Variants in RBMS1 observed in about 807,000 individuals in gnomAD.
The protein encoded by RBMS1 is RNA binding motif single stranded interacting protein 1, also known as RNA-binding motif, single-stranded-interacting protein 1.
Under a neutral mutation model 62.3 loss-of-function variants are expected in RBMS1, and 17 were observed. That is an observed-to-expected ratio of 0.27 (90% CI 0.19 to 0.41). The LOEUF (loss-of-function observed/expected upper bound fraction) is 0.41, where lower values mean the gene tolerates loss of function less well. RBMS1 is among the 10% of genes least tolerant of loss of function. RBMS1 has a pLI of 1.00. For missense variants in RBMS1, 334 were observed against 504.5 expected (o/e 0.66, Z 3.24); for synonymous variants, 172 against 170.0 (o/e 1.01, Z -0.09).
At chr2:160,403,556 TA>T (rs1239689770) in intron 1 of RBMS1, among the ~76,000 whole-genome samples, 1 of 152,240 alleles carries the variant, frequency 6.6e-6, no homozygotes, top group East Asian at 1.9e-4. Context: ...AAGAAGGCAG[TA>T]AACTATGTAA....
At chr2:160,452,184 T>C (rs928623453) in intron 1 of RBMS1, among the ~76,000 whole-genome samples, 4 of 152,060 alleles carry the variant, frequency 2.6e-5, no homozygotes, top group Non-Finnish European at 5.9e-5. Context: ...ATGGAATTAC[T>C]GGAACTTAGA....
intron 2 of RBMS1, among the ~76,000 whole-genome samples, chr2:160,323,853 C>T (rs1228846429): frequency 1.3e-5 from 2 of 152,154 alleles, no homozygotes; most frequent in Non-Finnish European, 2.9e-5. Flanking sequence ...GTTCAAACCT[C>T]TTGGCCCAAG....
chr2:160,296,535 T>C (rs1194031730), intron 6 of RBMS1, among the ~76,000 whole-genome samples: 1 of 152,216 alleles, frequency 6.6e-6, no homozygotes, highest in African/African-American at 2.4e-5. Context: ...GCGGAATAAA[T>C]ACTAAACACT....
In RBMS1 at chr2:160,413,999, C is replaced by T. The variant is rs146337184; in HGVS notation, c.76-46608G>A. On this transcript the variant is annotated intron_variant, in intron 1 of 13. Coordinates refer to ENST00000348849, the MANE Select transcript of RBMS1 (RefSeq NM_016836.4). Reference sequence around the variant, plus strand: ...TCCAAGCCCCATAGAGAAAAACTTACATGGTATTAAGAGCCAAAGCTTGGG... The same window carrying T: ...TCCAAGCCCCATAGAGAAAAACTTATATGGTATTAAGAGCCAAAGCTTGGG... Among the ~76,000 whole-genome samples the T allele has an allele frequency of 5.4e-3, 830 of 152,320 alleles. 8 individuals are homozygous for T. Among genetic ancestry groups the T allele is most frequent in the Non-Finnish European group, 6.9e-3 (467 of 68,028 alleles).
At chr2:160,286,810 C>T (rs1688425117) in intron 7 of RBMS1, among the ~76,000 whole-genome samples, 159 bp downstream of exon 7, 2 of 152,164 alleles carry the variant, frequency 1.3e-5, no homozygotes, top group South Asian at 4.1e-4. Flanking sequence ...TTTAATTTGG[C>T]ATCACTTGAA....
intron 4 of RBMS1, among the ~76,000 whole-genome samples, chr2:160,307,140 G>T (rs768505578): frequency 4.6e-5 from 7 of 152,172 alleles, no homozygotes; most frequent in Non-Finnish European, 1.0e-4. Context: ...TCATCCGAAA[G>T]AAATTAACAA....
At chr2:160,306,635 T>C (rs904990725) in intron 4 of RBMS1, among the ~76,000 whole-genome samples, 9 of 151,244 alleles carry the variant, frequency 6.0e-5, no homozygotes, top group Non-Finnish European at 1.3e-4. Context: ...AAAAAAAGAA[T>C]GGAAAGAAAC....
chr2:160,422,659 T>G (rs1006216973), intron 1 of RBMS1, among the ~76,000 whole-genome samples: 1 of 143,966 alleles, frequency 6.9e-6, no homozygotes, highest in Non-Finnish European at 1.5e-5. Flanking sequence ...TTTAATTTAC[T>G]TAACAAACCT....
intron 1 of RBMS1, among the ~76,000 whole-genome samples, chr2:160,397,118 C>CA (rs1391595082): frequency 6.6e-6 from 1 of 152,024 alleles, no homozygotes; most frequent in Non-Finnish European, 1.5e-5. Context: ...CGTGGAGGGT[C>CA]AGGATACCAT....
intron 4 of RBMS1, among the ~76,000 whole-genome samples, chr2:160,306,753 C>A (rs893835309): frequency 1.4e-5 from 2 of 147,174 alleles, no homozygotes; most frequent in Non-Finnish European, 3.0e-5. Context: ...ATTTTACTTT[C>A]TTTTTAGTTG....
chr2:160,484,580 C>G (rs891932519), intron 1 of RBMS1, among the ~76,000 whole-genome samples: 1 of 149,458 alleles, frequency 6.7e-6, no homozygotes, highest in Non-Finnish European at 1.5e-5. Context: ...TAAAAAGTTA[C>G]GAAGCATTGG....
intron 1 of RBMS1, among the ~76,000 whole-genome samples, chr2:160,390,688 CAA>C (rs34478081): frequency 1.6e-4 from 10 of 60,628 alleles, no homozygotes; most frequent in African/African-American, 4.9e-4. Context: ...GACCCAGTCT[CAA>C]AAAAAAAAAA....
chr2:160,360,430 C>T (rs762549694), intron 2 of RBMS1, among the ~76,000 whole-genome samples: 8 of 152,174 alleles, frequency 5.3e-5, no homozygotes, highest in Non-Finnish European at 8.8e-5. Context: ...CTAACTTTTT[C>T]TCTGTAACTA....
intron 2 of RBMS1, among the ~76,000 whole-genome samples, chr2:160,350,911 T>A (rs1284169164): frequency 6.6e-6 from 1 of 152,140 alleles, no homozygotes; most frequent in Non-Finnish European, 1.5e-5. Flanking sequence ...TATTTCTAGA[T>A]CCTTGAGGAA....
At chr2:160,397,386 C>A (rs1479890409) in intron 1 of RBMS1, among the ~76,000 whole-genome samples, 1 of 152,078 alleles carries the variant, frequency 6.6e-6, no homozygotes, top group African/African-American at 2.4e-5. Context: ...CCCATTTTCT[C>A]CTTCCTGTAA....
At chr2:160,465,218 C>T (rs894213019) in intron 1 of RBMS1, among the ~76,000 whole-genome samples, 3 of 152,186 alleles carry the variant, frequency 2.0e-5, no homozygotes, top group African/African-American at 7.2e-5. Flanking sequence ...TTGGCATAGT[C>T]ATTATGATTG....
At chr2:160,430,446 T>C (rs1451966479) in intron 1 of RBMS1, among the ~76,000 whole-genome samples, 1 of 152,182 alleles carries the variant, frequency 6.6e-6, no homozygotes, top group Non-Finnish European at 1.5e-5. Context: ...CTGGCCAAGA[T>C]CTTGGAGTGC....
At chr2:160,465,223 T>C (rs1398411252) in intron 1 of RBMS1, among the ~76,000 whole-genome samples, 2 of 152,258 alleles carry the variant, frequency 1.3e-5, no homozygotes, top group Non-Finnish European at 2.9e-5. Flanking sequence ...ATAGTCATTA[T>C]GATTGTACTT....
chr2:160,401,672 T>G (rs1695428490), intron 1 of RBMS1, among the ~76,000 whole-genome samples: 1 of 152,196 alleles, frequency 6.6e-6, no homozygotes, highest in South Asian at 2.1e-4. Flanking sequence ...AGGAAAGAAT[T>G]CAGGAAATAA....
Sources: allele counts gnomAD v4.1 joint callset (sites outside exome capture counted in the v4.1 genomes callset), GRCh38; gene constraint gnomAD v4.1.1; transcripts MANE v1.5; gene names NCBI Gene and HGNC (gene_info 2026-07-23, HGNC 2026-07-21).